STYX: variants seen among roughly 807,000 people sequenced by gnomAD.
STYX encodes serine/threonine/tyrosine interacting protein.
In STYX, 20 loss-of-function variants were observed where a neutral mutation model predicts 42.7. The ratio of observed to expected loss-of-function variants is 0.47; its 90% CI spans 0.33 to 0.68. The LOEUF (loss-of-function observed/expected upper bound fraction) is 0.68, where lower values mean the gene tolerates loss of function less well. STYX is among the 30% of genes least tolerant of loss of function. The pLI is 0.02. For synonymous variants in STYX, 78 were observed against 81.9 expected (o/e 0.95, Z 0.26); for missense variants, 226 against 268.5 (o/e 0.84, Z 1.11).
intron 3 of STYX, among the ~76,000 whole-genome samples, chr14:52,748,626 A>G (rs910382765): frequency 6.6e-6 from 1 of 152,212 alleles, no homozygotes; most frequent in Non-Finnish European, 1.5e-5. Context: ...TCTGCCTCTG[A>G]AAAGTACAAA....
At chr14:52,760,013 C>G (rs1444882745) in intron 9 of STYX, among the ~76,000 whole-genome samples, 1 of 151,712 alleles carries the variant, frequency 6.6e-6, no homozygotes, top group African/African-American at 2.4e-5. Context: ...GCCTGAGCAA[C>G]AAAGTGAGAC....
intron 10 of STYX, among the ~76,000 whole-genome samples, chr14:52,769,465 A>G (rs938246242): frequency 1.3e-4 from 20 of 152,162 alleles, no homozygotes; most frequent in East Asian, 1.9e-4. Context: ...GTTCACTTCA[A>G]TCTTTGAACC....
intron 1 of STYX, among the ~76,000 whole-genome samples, chr14:52,743,860 G>A (rs1881293387): frequency 6.6e-6 from 1 of 152,130 alleles, no homozygotes; most frequent in Non-Finnish European, 1.5e-5. Flanking sequence ...GTCTCAGTCT[G>A]TCACCCTAGC....
chr14:52,750,609 A>G, intron 3 of STYX, 74 bp from the exon 4 acceptor site: 2 of 967,928 alleles, frequency 2.1e-6, no homozygotes, highest in South Asian at 3.1e-5. Context: ...CATCTGTGTT[A>G]TATAGTAAGA....
At chr14:52,757,094 G>C (rs1213444041) in intron 5 of STYX, among the ~76,000 whole-genome samples, 1 of 152,256 alleles carries the variant, frequency 6.6e-6, no homozygotes, top group Non-Finnish European at 1.5e-5. Flanking sequence ...ATGATCTCCA[G>C]AAATTTGAGG....
At chr14:52,733,573 C>A (rs1435815075) in intron 1 of STYX, among the ~76,000 whole-genome samples, 3 of 152,172 alleles carry the variant, frequency 2.0e-5, no homozygotes, top group Non-Finnish European at 4.4e-5. Context: ...GTTCCCGTTA[C>A]TCCCTCCTTG....
At chr14:52,770,747 A>G (rs766085445) in intron 10 of STYX, among the ~76,000 whole-genome samples, 3 of 152,106 alleles carry the variant, frequency 2.0e-5, no homozygotes, top group Non-Finnish European at 1.5e-5. Context: ...ACATTTATGT[A>G]TTATCTCTTG....
chr14:52,753,502 A>G (rs1343686453), intron 4 of STYX, among the ~76,000 whole-genome samples: 2 of 152,094 alleles, frequency 1.3e-5, no homozygotes, highest in African/African-American at 2.4e-5. Context: ...CATATTTTTC[A>G]TGGTACCCTT....
intron 1 of STYX, among the ~76,000 whole-genome samples, chr14:52,742,028 T>C (rs1235712465): frequency 1.3e-5 from 2 of 152,188 alleles, no homozygotes; most frequent in African/African-American, 4.8e-5. Context: ...TTCTAGAGAA[T>C]ATGCATTTGC....
intron 1 of STYX, among the ~76,000 whole-genome samples, chr14:52,735,464 A>T (rs1880912407): frequency 6.6e-6 from 1 of 152,128 alleles, no homozygotes; most frequent in Non-Finnish European, 1.5e-5. Flanking sequence ...TCCCACCAAA[A>T]CCATAGGAAC....
At chr14:52,770,317 A>G (rs1882463373) in intron 10 of STYX, among the ~76,000 whole-genome samples, 1 of 152,136 alleles carries the variant, frequency 6.6e-6, no homozygotes, top group African/African-American at 2.4e-5. Flanking sequence ...CCATGATATA[A>G]CAGTCCTGTA....
At chr14:52,764,178 A>C (rs1363934275) in intron 9 of STYX, among the ~76,000 whole-genome samples, 2 of 152,054 alleles carry the variant, frequency 1.3e-5, no homozygotes, top group African/African-American at 4.8e-5. Context: ...TTTTTAGTAG[A>C]GACGGGGTTT....
At chr14:52,754,565 A>G (rs1881778786) in intron 4 of STYX, among the ~76,000 whole-genome samples, 1 of 152,142 alleles carries the variant, frequency 6.6e-6, no homozygotes, top group Non-Finnish European at 1.5e-5. Context: ...TGACACCAAG[A>G]AAAATATTTA....
At chr14:52,734,201 C>T (rs562031894) in intron 1 of STYX, among the ~76,000 whole-genome samples, 16 of 152,158 alleles carry the variant, frequency 1.1e-4, no homozygotes, top group Non-Finnish European at 2.2e-4. Flanking sequence ...ACGGGAGTAG[C>T]CTCTGGTCCT....
chr14:52,766,219 T>C (rs1882296081), intron 9 of STYX, among the ~76,000 whole-genome samples: 1 of 152,024 alleles, frequency 6.6e-6, no homozygotes, highest in Admixed American at 6.6e-5. Context: ...CAAGTTAGAG[T>C]GCAATGGGGC....
intron 10 of STYX, among the ~76,000 whole-genome samples, chr14:52,769,224 G>A (rs779859817): frequency 6.6e-6 from 1 of 152,100 alleles, no homozygotes; most frequent in South Asian, 2.1e-4. Flanking sequence ...AATACAGCGT[G>A]TAGCATGGCT....
chr14:52,760,807 A>G (rs1392592625), intron 9 of STYX, among the ~76,000 whole-genome samples: 3 of 151,416 alleles, frequency 2.0e-5, no homozygotes, highest in Non-Finnish European at 4.4e-5. Context: ...TTTTTAAACT[A>G]TTTTTTAAGC....
intron 1 of STYX, among the ~76,000 whole-genome samples, chr14:52,743,986 G>A (rs1028393285): frequency 3.3e-5 from 5 of 151,882 alleles, no homozygotes; most frequent in East Asian, 3.9e-4. Flanking sequence ...CATGCCCAAC[G>A]AATTTTTTTG....
At chr14:52,749,100 CCA>C (rs1231990085) in intron 3 of STYX, among the ~76,000 whole-genome samples, 2 of 152,230 alleles carry the variant, frequency 1.3e-5, no homozygotes, top group African/African-American at 4.8e-5. Flanking sequence ...GCTGGCAAGT[CCA>C]CAGTCATGGT....
Sources: gnomAD v4.1 joint callset for allele counts (sites outside exome capture counted in the v4.1 genomes callset) on GRCh38, gnomAD v4.1.1 for gene constraint, MANE v1.5 for transcripts, NCBI Gene and HGNC (gene_info 2026-07-23, HGNC 2026-07-21) for gene names.